Variants in SERPINB8 observed in about 807,000 individuals in gnomAD.
SERPINB8 encodes the protein serpin B8.
Under a neutral mutation model 35.3 loss-of-function variants are expected in SERPINB8, and 25 were observed. The observed-to-expected ratio is 0.71, with a 90% CI of 0.52 to 0.99. SERPINB8 has a LOEUF of 0.99. SERPINB8 is among the 50% of genes least tolerant of loss of function. The pLI, the probability that SERPINB8 is intolerant of heterozygous loss-of-function variation, is 0.00. For missense variants in SERPINB8, 484 were observed against 446.5 expected, an observed-to-expected ratio of 1.08 and a Z score of -0.76; for synonymous variants, 186 against 160.8, an observed-to-expected ratio of 1.16 and a Z score of -1.19.
intron 1 of SERPINB8, among the ~76,000 whole-genome samples, chr18:63,994,961 G>A (rs972700671): frequency 1.3e-5 from 2 of 152,012 alleles, no homozygotes; most frequent in African/African-American, 4.8e-5. Context: ...AAGCAGGGAG[G>A]CAAAGATGAC....
chr18:63,982,707 C>A (rs1251972865), intron 4 of SERPINB8, among the ~76,000 whole-genome samples: 1 of 152,170 alleles, frequency 6.6e-6, no homozygotes, highest in East Asian at 1.9e-4. Context: ...GTACTGTCAC[C>A]TGAGGAACCT....
chr18:63,975,974 G>A (rs1168655987), intron 1 of SERPINB8, among the ~76,000 whole-genome samples: 1 of 152,198 alleles, frequency 6.6e-6, no homozygotes, highest in Non-Finnish European at 1.5e-5. Context: ...AGGCCGCTGG[G>A]AAACTGGATG....
chr18:63,983,905 G>A (rs888596292), intron 5 of SERPINB8, among the ~76,000 whole-genome samples, 184 bp downstream of exon 5: 3 of 152,096 alleles, frequency 2.0e-5, no homozygotes, highest in Non-Finnish European at 2.9e-5. Context: ...GGAGTGCAGT[G>A]GTGTAATCTC....
intron 1 of SERPINB8, among the ~76,000 whole-genome samples, chr18:63,977,548 G>T (rs1458671195): frequency 6.6e-6 from 1 of 152,196 alleles, no homozygotes; most frequent in South Asian, 2.1e-4. Context: ...GGCTGGTCTC[G>T]AACTGCTGAC....
intron 1 of SERPINB8, among the ~76,000 whole-genome samples, chr18:64,004,203 A>C (rs1264090330): frequency 2.0e-5 from 3 of 152,232 alleles, no homozygotes; most frequent in African/African-American, 7.2e-5. Context: ...TTTTCTCAAC[A>C]GATAAATTTT....
chr18:63,980,305 G>A (rs78406018), intron 3 of SERPINB8, among the ~76,000 whole-genome samples: 2 of 152,172 alleles, frequency 1.3e-5, no homozygotes, highest in African/African-American at 2.4e-5. Flanking sequence ...AAATTTGCCC[G>A]CCCTCTTCTG....
chr18:63,997,660 A>T (rs771127438), intron 1 of SERPINB8, among the ~76,000 whole-genome samples: 1 of 152,208 alleles, frequency 6.6e-6, no homozygotes, highest in Non-Finnish European at 1.5e-5. Flanking sequence ...GGCTCCCTCA[A>T]CAAAGGAGCC....
intron 5 of SERPINB8, 21 bp from the exon 6 acceptor site, chr18:63,985,072 G>A (rs779331561): frequency 2.2e-5 from 35 of 1,611,410 alleles, no homozygotes; most frequent in East Asian, 2.0e-4. Context: ...TTCAGTAATC[G>A]AACTTTAATT....
chr18:63,989,953 A>C (rs1488451369), downstream of SERPINB8, among the ~76,000 whole-genome samples: 1 of 148,990 alleles, frequency 6.7e-6, no homozygotes, highest in Non-Finnish European at 1.5e-5. Flanking sequence ...AAAAAAAAAA[A>C]AAAAAAAAAA....
intron 1 of SERPINB8, among the ~76,000 whole-genome samples, chr18:63,995,218 G>A (rs571230111): frequency 3.3e-5 from 5 of 152,108 alleles, no homozygotes; most frequent in Non-Finnish European, 5.9e-5. Flanking sequence ...AGAGCCTCAC[G>A]ATCCTCTCCC....
intron 5 of SERPINB8, 122 bp downstream of exon 5, chr18:63,983,843 A>G: frequency 1.4e-6 from 1 of 696,694 alleles, no homozygotes; most frequent in East Asian, 2.9e-5. Context: ...TCTGAATTAT[A>G]TTATATTATT....
downstream of SERPINB8, among the ~76,000 whole-genome samples, chr18:64,006,782 G>A (rs558621812): frequency 6.6e-5 from 10 of 152,110 alleles, no homozygotes; most frequent in Non-Finnish European, 1.5e-4. Context: ...CTTTGTATAA[G>A]TTCTAATTCA....
chr18:64,003,179 C>T (rs942881107), intron 1 of SERPINB8, among the ~76,000 whole-genome samples: 1 of 152,178 alleles, frequency 6.6e-6, no homozygotes, highest in African/African-American at 2.4e-5. Flanking sequence ...TTCAGTTCCA[C>T]GTTGTCGAGC....
chr18:64,012,115 C>T (rs1023880371), intron 7 of SERPINB8, among the ~76,000 whole-genome samples: 1 of 151,908 alleles, frequency 6.6e-6, no homozygotes, highest in African/African-American at 2.4e-5. Flanking sequence ...AATTATTTTA[C>T]AAATATTTAA....
Position 63,986,531 on chromosome 18 carries a change from A to G in SERPINB8, c.721-343A>G, listed in dbSNP as rs758837312. ...AACAATCTCTCCCACTCACAGTAGT[A>G]TGTATTGCATGAAGATTAATGTAAT... On this transcript the variant is annotated intron_variant, in intron 6 of 6. Transcript: ENST00000397985. 4.3e-5 allele frequency: 58 copies of G among 1,340,326 alleles called. No homozygotes were observed. The Middle Eastern group carries it at 1.2e-3, about 27-fold the overall frequency. 83.0% of individuals were successfully genotyped at this position (1,340,326 alleles called of 1,614,324 possible).
intron 3 of SERPINB8, among the ~76,000 whole-genome samples, chr18:63,980,338 A>G (rs2050651415): frequency 6.6e-6 from 1 of 152,128 alleles, no homozygotes; most frequent in South Asian, 2.1e-4. Context: ...AACTGACACA[A>G]TCGTCTTTCT....
At chr18:64,012,120 A>C (rs2050928528) in intron 7 of SERPINB8, among the ~76,000 whole-genome samples, 1 of 152,178 alleles carries the variant, frequency 6.6e-6, no homozygotes. Flanking sequence ...TTTTACAAAT[A>C]TTTAATTTTA....
At chr18:63,993,023 A>T (rs1394774034), downstream of SERPINB8, among the ~76,000 whole-genome samples, 1 of 152,212 alleles carries the variant, frequency 6.6e-6, no homozygotes, top group African/African-American at 2.4e-5. Flanking sequence ...GTTTACCCAC[A>T]TCCTGCATTC....
intron 6 of SERPINB8, 110 bp downstream of exon 6, chr18:63,985,355 G>T (rs113574035): frequency 0.031 from 36,672 of 1,165,786 alleles, 676 homozygotes; most frequent in Middle Eastern, 0.041. Context: ...GTTATTACAG[G>T]CAGTGCTGGG....
Sources: allele counts gnomAD v4.1 joint callset (sites outside exome capture counted in the v4.1 genomes callset), GRCh38; gene constraint gnomAD v4.1.1; transcripts MANE v1.5; gene names NCBI Gene and HGNC (gene_info 2026-07-23, HGNC 2026-07-21).